Variants in MPDZ observed in about 807,000 individuals in gnomAD.
MPDZ encodes multiple PDZ domain protein.
In MPDZ, 234 loss-of-function variants were observed where a neutral mutation model predicts 239.1. That is an observed-to-expected ratio of 0.98 (90% CI 0.88 to 1.09). The LOEUF (loss-of-function observed/expected upper bound fraction) is 1.09, where lower values mean the gene tolerates loss of function less well. Ranked by LOEUF, MPDZ falls within the 50% of genes least tolerant of loss-of-function variation. The probability of loss-of-function intolerance (pLI) is 0.00; values close to 1 mark genes in which losing one functional copy is unlikely to be tolerated. For missense variants in MPDZ, 3,175 were observed against 2,510.0 expected (o/e 1.26, Z -5.66); for synonymous variants, 1,048 against 881.3 (o/e 1.19, Z -3.35).
intron 10 of MPDZ, among the ~76,000 whole-genome samples, chr9:13,209,351 G>C (rs755071712): frequency 2.0e-4 from 31 of 152,038 alleles, no homozygotes; most frequent in Admixed American, 2.0e-3. Flanking sequence ...AACAAAAACA[G>C]GCAAAATCCC....
At chr9:13,111,571 G>A (rs746245455) in intron 43 of MPDZ, among the ~76,000 whole-genome samples, 1 of 152,144 alleles carries the variant, frequency 6.6e-6, no homozygotes, top group African/African-American at 2.4e-5. Flanking sequence ...TTTGAGGCAA[G>A]TTGCATATAG....
Position 13,247,786 on chromosome 9 carries a change from A to G in MPDZ, c.32T>C (p.Leu11Pro), listed in dbSNP as rs1408270538. ...GGTTTGCAAGCGCTCTGCTGCATGC[A>G]GGGCCCGATTTTTGTCTATACCAAA... MLEAIDKNRA[L>P]HAAERLQTKL... The change falls in exon 3 of 47, where the codon CTG becomes CCG. Residue 11 changes from leucine (L) to proline (P), a missense_variant. Coordinates refer to ENST00000319217, the MANE Select transcript of MPDZ (RefSeq NM_001378778.1). 1.2e-6 allele frequency: 2 copies of G among 1,606,250 alleles called. No homozygotes were observed. Among genetic ancestry groups the G allele is most frequent in the Admixed American group, 1.7e-5 (1 of 59,904 alleles).
intron 35 of MPDZ, 65 bp downstream of exon 35, chr9:13,125,151 A>G (rs1343455319): frequency 1.9e-5 from 27 of 1,427,506 alleles, no homozygotes; most frequent in Non-Finnish European, 2.5e-5. Flanking sequence ...GCTCCCAAGC[A>G]GAAACCCTCT....
chr9:13,222,985 AT>A (rs1033956101), intron 5 of MPDZ, among the ~76,000 whole-genome samples: 4 of 152,160 alleles, frequency 2.6e-5, no homozygotes, highest in Non-Finnish European at 5.9e-5. Flanking sequence ...CAATAAAAAA[AT>A]CACACAAATT....
At chr9:13,127,865 C>G (rs941983810) in intron 32 of MPDZ, among the ~76,000 whole-genome samples, 3 of 152,132 alleles carry the variant, frequency 2.0e-5, no homozygotes, top group African/African-American at 7.2e-5. Flanking sequence ...TTTGGATATG[C>G]CACTTAACAT....
At chr9:13,116,705 A>G (rs950512572) in intron 39 of MPDZ, among the ~76,000 whole-genome samples, 6 of 152,156 alleles carry the variant, frequency 3.9e-5, no homozygotes, top group Non-Finnish European at 7.4e-5. Flanking sequence ...TTCAAATATC[A>G]AGGGTTTTGA....
chr9:13,204,997 A>C, intron 12 of MPDZ, 39 bp downstream of exon 12: 2 of 1,259,830 alleles, frequency 1.6e-6, no homozygotes, highest in Non-Finnish European at 2.1e-6. Flanking sequence ...AAAAAAGAAA[A>C]ATAATGAAGT....
intron 1 of MPDZ, among the ~76,000 whole-genome samples, chr9:13,266,338 T>C (rs1202282959): frequency 6.6e-6 from 1 of 152,228 alleles, no homozygotes; most frequent in Non-Finnish European, 1.5e-5. Flanking sequence ...TCCTGTACTG[T>C]GCTTGTGGTG....
intron 12 of MPDZ, among the ~76,000 whole-genome samples, chr9:13,201,243 C>T (rs1001112876): frequency 1.3e-5 from 2 of 152,072 alleles, no homozygotes. Flanking sequence ...TCCTGCTCTT[C>T]ATTTTTGTTC....
At chr9:13,123,094 C>A in intron 36 of MPDZ, 59 bp downstream of exon 36, 3 of 1,491,890 alleles carry the variant, frequency 2.0e-6, no homozygotes, top group South Asian at 1.5e-5. Flanking sequence ...TCCCCATAAT[C>A]GTCTCTGAGG....
intron 10 of MPDZ, among the ~76,000 whole-genome samples, chr9:13,211,198 T>C (rs1052482807): frequency 6.6e-6 from 1 of 152,132 alleles, no homozygotes; most frequent in African/African-American, 2.4e-5. Context: ...GGCCACAGGA[T>C]AACTTACTCT....
intron 22 of MPDZ, chr9:13,165,428 C>T (rs1388674517): frequency 3.9e-5 from 60 of 1,548,194 alleles, no homozygotes; most frequent in South Asian, 4.8e-5. Context: ...GAAGCATACG[C>T]CGCGGCATCT....
chr9:13,106,307 C>A lies in MPDZ; in HGVS notation c.*658G>T, dbSNP rs1348530917. ...TTGAAATGTGCATTAAATATAATTT[C>A]TTTATAAAATTTAGGGACATTGCTT... On this transcript the variant is annotated 3_prime_UTR_variant, in exon 47 of 47. Transcript: ENST00000319217. 6.6e-6 allele frequency: 1 copy of A among 151,940 alleles called. No homozygotes were observed. Among genetic ancestry groups the A allele is most frequent in the African/African-American group, 2.4e-5 (1 of 41,368 alleles). The allele number at this position is 151,940 out of a possible 1,614,324, so 9.4% of individuals were successfully genotyped here.
At chr9:13,230,412 G>C (rs1398775977) in intron 3 of MPDZ, among the ~76,000 whole-genome samples, 2 of 151,872 alleles carry the variant, frequency 1.3e-5, no homozygotes, top group African/African-American at 4.8e-5. Context: ...CCCCTCAGTA[G>C]GTAAATCCAA....
chr9:13,168,462 C>G lies in MPDZ; in HGVS notation c.3158G>C (p.Cys1053Ser). Residue 1053 changes from cysteine to serine, a missense_variant, in exon 22 of 47, where the codon TGC (cysteine) becomes TCC (serine). Cys to Ser is a moderately radical substitution (Grantham distance 112). Coordinates refer to ENST00000319217, the MANE Select transcript of MPDZ (RefSeq NM_001378778.1). ...AGACTCTTCATTAATGGACAAGATG[C>G]AGTCCCCAATGGCAATCCGGCCATC... ...SRDGRIAIGDCILSINEESTI... is the reference protein window; with the variant it reads ...SRDGRIAIGDSILSINEESTI... 1.9e-6 allele frequency: 3 copies of G among 1,613,468 alleles called. No homozygotes were observed. The highest frequency in any genetic ancestry group is 2.5e-6 in the Non-Finnish European group (3 of 1,179,532).
intron 3 of MPDZ, among the ~76,000 whole-genome samples, chr9:13,240,804 A>G (rs1162621689): frequency 6.6e-6 from 1 of 152,040 alleles, no homozygotes; most frequent in African/African-American, 2.4e-5. Context: ...TTGAAAGGTA[A>G]TTGTTGTAGC....
intron 1 of MPDZ, among the ~76,000 whole-genome samples, chr9:13,262,855 A>T (rs1160695898): frequency 6.6e-6 from 1 of 152,074 alleles, no homozygotes; most frequent in East Asian, 1.9e-4. Flanking sequence ...TATATTTTTT[A>T]AATATAAAAA....
chr9:13,170,544 C>A (rs1951660595), intron 21 of MPDZ, among the ~76,000 whole-genome samples: 1 of 152,136 alleles, frequency 6.6e-6, no homozygotes, highest in African/African-American at 2.4e-5. Context: ...TTAAAGCCAG[C>A]CTTCCCACCA....
chr9:13,146,105 C>T (rs1948398584), intron 26 of MPDZ, among the ~76,000 whole-genome samples: 1 of 151,986 alleles, frequency 6.6e-6, no homozygotes, highest in South Asian at 2.1e-4. Context: ...TGCAGCCCTA[C>T]CATTTGGCAA....
Sources: allele counts gnomAD v4.1 joint callset (sites outside exome capture counted in the v4.1 genomes callset), GRCh38; gene constraint gnomAD v4.1.1; transcripts MANE v1.5; gene names NCBI Gene and HGNC (gene_info 2026-07-23, HGNC 2026-07-21).